The following ITFG1 variants were observed in gnomAD, a reference collection of about 807,000 sequenced individuals.
ITFG1 encodes the protein T-cell immunomodulatory protein.
A neutral mutation model predicts 81.8 loss-of-function variants in ITFG1; 34 were observed. The observed-to-expected ratio is 0.42, with a 90% CI of 0.32 to 0.55. The LOEUF is 0.55. ITFG1 is among the 20% of genes least tolerant of loss of function. ITFG1 has a pLI of 0.17. For synonymous variants in ITFG1, 285 were observed against 270.6 expected, an observed-to-expected ratio of 1.05 and a Z score of -0.52; for missense variants, 672 against 755.4, an observed-to-expected ratio of 0.89 and a Z score of 1.29.
intron 14 of ITFG1, among the ~76,000 whole-genome samples, chr16:47,186,541 C>A (rs575447782): frequency 6.6e-6 from 1 of 152,170 alleles, no homozygotes; most frequent in Non-Finnish European, 1.5e-5. Flanking sequence ...GCAGAAAAGG[C>A]CTTTGACAAA....
At chr16:47,386,465 T>C (rs1968463609) in intron 6 of ITFG1, among the ~76,000 whole-genome samples, 1 of 152,184 alleles carries the variant, frequency 6.6e-6, no homozygotes, top group African/African-American at 2.4e-5. Context: ...TCCTGCTATA[T>C]GCTGTAGAGG....
intron 8 of ITFG1, among the ~76,000 whole-genome samples, chr16:47,341,444 A>T (rs1464270094): frequency 6.6e-6 from 1 of 150,440 alleles, no homozygotes. Flanking sequence ...TACTTGAGAC[A>T]AATGAAAATA....
At chr16:47,314,760 C>T (rs1012466311) in intron 8 of ITFG1, among the ~76,000 whole-genome samples, 2 of 152,072 alleles carry the variant, frequency 1.3e-5, no homozygotes, top group Non-Finnish European at 2.9e-5. Flanking sequence ...TTTTGTATTG[C>T]TTTAATCACT....
intron 10 of ITFG1, among the ~76,000 whole-genome samples, chr16:47,267,303 C>T (rs983222028): frequency 2.0e-5 from 3 of 152,070 alleles, no homozygotes; most frequent in African/African-American, 7.2e-5. Context: ...GACTTCAGAA[C>T]AAAGAATATC....
chr16:47,194,635 A>T (rs1362640532), intron 14 of ITFG1, among the ~76,000 whole-genome samples: 1 of 152,148 alleles, frequency 6.6e-6, no homozygotes, highest in Non-Finnish European at 1.5e-5. Context: ...TATATTTCAC[A>T]CTTCTCCTCA....
At chr16:47,404,843 G>A (rs1968708141) in intron 6 of ITFG1, among the ~76,000 whole-genome samples, 1 of 152,104 alleles carries the variant, frequency 6.6e-6, no homozygotes, top group Non-Finnish European at 1.5e-5. Flanking sequence ...TGTCACAAAT[G>A]TAAAATGTTA....
In ITFG1 at chr16:47,220,451, G is replaced by A. The variant is rs1965677962; in HGVS notation, c.1375-1505C>T. Among the ~76,000 whole-genome samples, 3 of 152,202 alleles carry A rather than the reference G, an allele frequency of 2.0e-5. No individual in the cohort carries two copies. In the South Asian group the frequency reaches 6.2e-4, roughly 31 times the overall value. Reference sequence around the variant, plus strand: ...GTTTTCTTGAAAATGGACAGAGTGAGTCAGCCACTTTCAGAAAAACAAATG... The same window carrying A: ...GTTTTCTTGAAAATGGACAGAGTGAATCAGCCACTTTCAGAAAAACAAATG... On this transcript the variant is annotated intron_variant, in intron 13 of 17. Coordinates refer to ENST00000320640, the MANE Select transcript of ITFG1 (RefSeq NM_030790.5).
chr16:47,433,629 C>T (rs942583025), intron 5 of ITFG1, among the ~76,000 whole-genome samples: 4 of 151,726 alleles, frequency 2.6e-5, no homozygotes, highest in African/African-American at 9.7e-5. Context: ...TACAGTTACA[C>T]CTCTTAAAAG....
chr16:47,304,335 C>T (rs993216865), intron 10 of ITFG1, among the ~76,000 whole-genome samples: 2 of 152,126 alleles, frequency 1.3e-5, no homozygotes, highest in African/African-American at 2.4e-5. Flanking sequence ...GTATAACCAC[C>T]TTCATTTTAT....
In ITFG1 at chr16:47,375,938, A is replaced by C; in HGVS notation, c.658T>G (p.Leu220Val). Reference sequence around the variant, plus strand: ...GTGGCATTCAATGTCGTCAGGAATAAATCTAGAAGGAAAAATAATAAAAAC... The same window carrying C: ...GTGGCATTCAATGTCGTCAGGAATACATCTAGAAGGAAAAATAATAAAAAC... ...IDLTEDFTAD[L>V]FLTTLNATTS... The change falls in exon 7 of 18, where the codon TTA becomes GTA. Residue 220 changes from leucine (L) to valine (V), a missense_variant and splice_region_variant. By Grantham distance (32) the Leu-to-Val change is conservative. Around this residue, in one of 3 missense-constraint regions of ITFG1, gnomAD observed 560 missense variants for 625.7 expected, o/e 0.90. Coordinates refer to ENST00000320640, the MANE Select transcript of ITFG1 (RefSeq NM_030790.5). The C allele has an allele frequency of 6.3e-7, 1 of 1,594,474 alleles. No individual in the cohort carries two copies. Among genetic ancestry groups the C allele is most frequent in the Non-Finnish European group, 8.6e-7 (1 of 1,164,410 alleles).
intron 13 of ITFG1, among the ~76,000 whole-genome samples, chr16:47,235,087 T>C (rs992367277): frequency 3.9e-5 from 6 of 152,204 alleles, no homozygotes; most frequent in Admixed American, 3.3e-4. Context: ...TATTTCTTCA[T>C]AGCAGCATGA....
intron 6 of ITFG1, among the ~76,000 whole-genome samples, chr16:47,378,126 T>G (rs1046759949): frequency 2.0e-5 from 3 of 152,130 alleles, no homozygotes; most frequent in African/African-American, 7.2e-5. Context: ...CACAGAGAAT[T>G]CTAAGAATCA....
rs759813889 is a variant in ITFG1 at position 47,460,830 on chromosome 16, G to A, written c.208+8C>T. 2 of 1,612,848 alleles carry A rather than the reference G, an allele frequency of 1.2e-6. No individual in the cohort carries two copies. The highest frequency in any genetic ancestry group is 1.7e-6 in the Non-Finnish European group (2 of 1,179,674). On this transcript the variant is annotated splice_region_variant and intron_variant, in intron 1 of 17. Coordinates refer to ENST00000320640, the MANE Select transcript of ITFG1 (RefSeq NM_030790.5). ...AGCGAACAGAGGGAGGGCCCGGCAAGCACTGACTTTCCCGCAGCACGAAGA... is the reference window on the plus strand; with the variant it reads ...AGCGAACAGAGGGAGGGCCCGGCAAACACTGACTTTCCCGCAGCACGAAGA...
At chr16:47,183,113 T>C (rs866889249) in intron 14 of ITFG1, among the ~76,000 whole-genome samples, 7 of 152,246 alleles carry the variant, frequency 4.6e-5, no homozygotes, top group African/African-American at 1.7e-4. Flanking sequence ...GGCTCGCACC[T>C]GGCTTGGAGG....
At chr16:47,314,331 A>C (rs1431571546) in intron 8 of ITFG1, among the ~76,000 whole-genome samples, 1 of 152,158 alleles carries the variant, frequency 6.6e-6, no homozygotes, top group African/African-American at 2.4e-5. Flanking sequence ...AAGCATATCA[A>C]CAGTAGTCCA....
intron 14 of ITFG1, among the ~76,000 whole-genome samples, chr16:47,163,314 A>G (rs1262675085): frequency 2.0e-5 from 3 of 152,216 alleles, no homozygotes; most frequent in African/African-American, 7.2e-5. Flanking sequence ...GCACACTTCC[A>G]GCTGTATGTA....
chr16:47,210,939 CA>C (rs970751519), intron 14 of ITFG1, among the ~76,000 whole-genome samples: 1 of 152,086 alleles, frequency 6.6e-6, no homozygotes, highest in Non-Finnish European at 1.5e-5. Flanking sequence ...TAGGTTGGTG[CA>C]AAAGTAATTG....
At chr16:47,249,557 A>G (rs1410360324) in intron 12 of ITFG1, among the ~76,000 whole-genome samples, 1 of 152,222 alleles carries the variant, frequency 6.6e-6, no homozygotes, top group Non-Finnish European at 1.5e-5. Context: ...TTAAAGATTA[A>G]AAAAATATGA....
At chr16:47,309,636 A>C (rs1967226274) in intron 10 of ITFG1, among the ~76,000 whole-genome samples, 1 of 152,218 alleles carries the variant, frequency 6.6e-6, no homozygotes, top group Admixed American at 6.5e-5. Flanking sequence ...CCATCTTAAA[A>C]GAACAGAAAA....
Sources: allele counts gnomAD v4.1 joint callset (sites outside exome capture counted in the v4.1 genomes callset), GRCh38; gene constraint gnomAD v4.1.1; regional missense constraint gnomAD v4.1.1; transcripts MANE v1.5; gene names NCBI Gene and HGNC (gene_info 2026-07-23, HGNC 2026-07-21).